The following TPPP2 variants were observed in gnomAD, a reference collection of about 807,000 sequenced individuals.
The protein encoded by TPPP2 is tubulin polymerization-promoting protein family member 2.
A neutral mutation model predicts 13.0 loss-of-function variants in TPPP2; 8 were observed. That is an observed-to-expected ratio of 0.62 (90% CI 0.36 to 1.11). The LOEUF (loss-of-function observed/expected upper bound fraction) is 1.11. Ranked by LOEUF, TPPP2 falls within the 50% of genes most tolerant of loss-of-function variation. The probability of loss-of-function intolerance (pLI) is 0.02; values close to 1 mark genes in which losing one functional copy is unlikely to be tolerated. For missense variants in TPPP2, 213 were observed against 216.9 expected, an observed-to-expected ratio of 0.98 and a Z score of 0.11; for synonymous variants, 81 against 81.8, an observed-to-expected ratio of 0.99 and a Z score of 0.05.
At chr14:21,029,798 G>T (rs1392657580), upstream of TPPP2, among the ~76,000 whole-genome samples, 3 of 152,090 alleles carry the variant, frequency 2.0e-5, no homozygotes, top group Non-Finnish European at 2.9e-5. Context: ...GCCATCTATG[G>T]ACCGGAAAGC....
In TPPP2 at chr14:21,032,129, C is replaced by A. The variant is rs111435290; in HGVS notation, c.*52C>A. The A allele has an allele frequency of 6.4e-5, 100 of 1,568,038 alleles. 1 individual carries two copies. In the African/African-American group the frequency reaches 1.1e-3, roughly 17 times the overall value. ...CCCCCTGACCCTGCATGTTTAACAC[C>A]AGGGAGCTTGGAAAACAATAAACAT... On this transcript the variant is annotated 3_prime_UTR_variant, in exon 4 of 4. Coordinates refer to ENST00000321760, the MANE Select transcript of TPPP2 (RefSeq NM_173846.5).
rs1169722883 is a variant in TPPP2 at position 21,032,757 on chromosome 14, T to C, written c.*680T>C. 4.1e-5 allele frequency: 15 copies of C among 365,436 alleles called. No homozygotes were observed. Among genetic ancestry groups the C allele is most frequent in the African/African-American group, 8.6e-5 (4 of 46,674 alleles). 22.6% of individuals were successfully genotyped at this position (365,436 alleles called of 1,614,324 possible). A position where few individuals can be genotyped will look rare whatever the true frequency, so the allele number is the denominator to read the frequency against. ...GGCCAGATGAGGCAGGCTGCCAGGA[T>C]TCCAAGAGCAGGAGTTCTGGTGCAC... is the stretch of plus-strand genomic sequence containing the variant. On this transcript the variant is annotated 3_prime_UTR_variant, in exon 4 of 4. Coordinates refer to ENST00000321760, the MANE Select transcript of TPPP2 (RefSeq NM_173846.5).
downstream of TPPP2, chr14:21,034,140 C>A: frequency 6.2e-7 from 1 of 1,614,210 alleles, no homozygotes; most frequent in Non-Finnish European, 8.5e-7. Flanking sequence ...ATTACAATAG[C>A]CCCGGAAACC....
downstream of TPPP2, chr14:21,034,638 A>C: frequency 4.2e-6 from 1 of 236,626 alleles, no homozygotes; most frequent in Non-Finnish European, 8.2e-6. Flanking sequence ...GCAGAGAAGA[A>C]AGAAGGAGCA....
chr14:21,035,977 C>A (rs1279635054), downstream of TPPP2: 8 of 386,194 alleles, frequency 2.1e-5, no homozygotes, highest in Non-Finnish European at 3.6e-5. Context: ...GTTTACGAAA[C>A]CACTGAAAGC....
downstream of TPPP2, chr14:21,034,600 G>A: frequency 3.3e-6 from 1 of 306,902 alleles, no homozygotes; most frequent in Non-Finnish European, 6.0e-6. Context: ...GAGTCCTTGG[G>A]CCCCTGGCAC....
upstream of TPPP2, among the ~76,000 whole-genome samples, chr14:21,026,192 C>T (rs1369466271): frequency 6.6e-6 from 1 of 152,096 alleles, no homozygotes; most frequent in Non-Finnish European, 1.5e-5. Context: ...TCTCCTTGTG[C>T]CCCTCGGAGG....
At chr14:21,032,967 G>A (rs767378309), downstream of TPPP2, 8 of 455,980 alleles carry the variant, frequency 1.8e-5, no homozygotes, top group South Asian at 3.1e-5. Context: ...ATTTATGTTC[G>A]ATTAGAGCCG....
At chr14:21,033,990 C>A (rs750069464), downstream of TPPP2, 2 of 1,614,032 alleles carry the variant, frequency 1.2e-6, no homozygotes, top group Non-Finnish European at 1.7e-6. Flanking sequence ...GGTGAGTGTG[C>A]AGTATTCATT....
At chr14:21,035,887 T>C, downstream of TPPP2, 1 of 454,524 alleles carries the variant, frequency 2.2e-6, no homozygotes, top group Non-Finnish European at 4.4e-6. Context: ...TGCATGGTGG[T>C]TAAGATCAAG....
downstream of TPPP2, chr14:21,036,186 C>T (rs1332936091): frequency 4.4e-6 from 2 of 456,304 alleles, no homozygotes; most frequent in Non-Finnish European, 8.8e-6. Context: ...TTATTTCTTC[C>T]TCAGTGGATG....
chr14:21,031,167 T>C lies in TPPP2; in HGVS notation c.327+2T>C. Reference sequence around the variant, plus strand: ...GACCCAGCCACCACTGGCGCTACTGTGAGTGACAGCCTTCATCCCCTTGAC... The same window carrying C: ...GACCCAGCCACCACTGGCGCTACTGCGAGTGACAGCCTTCATCCCCTTGAC... On this transcript the variant is annotated splice_donor_variant, in intron 3 of 3. Coordinates refer to ENST00000321760, the MANE Select transcript of TPPP2 (RefSeq NM_173846.5). LOFTEE classifies it high-confidence loss of function. 1.2e-6 allele frequency: 2 copies of C among 1,613,032 alleles called. No homozygotes were observed. Among genetic ancestry groups the C allele is most frequent in the Non-Finnish European group, 1.7e-6 (2 of 1,179,554 alleles).
chr14:21,035,923 T>C, downstream of TPPP2: 1 of 438,540 alleles, frequency 2.3e-6, no homozygotes, highest in South Asian at 1.6e-5. Context: ...AGACCAGGAA[T>C]TGAATCCTGC....
In TPPP2 at chr14:21,032,215, G is replaced by T; in HGVS notation, c.*138G>T. The T allele has an allele frequency of 5.3e-6, 5 of 934,796 alleles. No individual in the cohort carries two copies. Among genetic ancestry groups the T allele is most frequent in the Non-Finnish European group, 6.8e-6 (4 of 590,278 alleles). The allele number at this position is 934,796 out of a possible 1,614,324, so 57.9% of individuals were successfully genotyped here. A position where few individuals can be genotyped will look rare whatever the true frequency, so the allele number is the denominator to read the frequency against. On this transcript the variant is annotated 3_prime_UTR_variant, in exon 4 of 4. Coordinates refer to ENST00000321760, the MANE Select transcript of TPPP2 (RefSeq NM_173846.5). Reference sequence around the variant, plus strand: ...GGACAGATGAGCCTACTAGTGTAGAGAGAGGGAGAAGAGGCAGCACAGGAG... The same window carrying T: ...GGACAGATGAGCCTACTAGTGTAGATAGAGGGAGAAGAGGCAGCACAGGAG...
At chr14:21,035,779 G>T (rs1397138142), downstream of TPPP2, 2 of 456,248 alleles carry the variant, frequency 4.4e-6, no homozygotes, top group Non-Finnish European at 8.8e-6. Context: ...TTCTCTTCCT[G>T]TTTTGTCAAC....
upstream of TPPP2, chr14:21,025,766 G>T: frequency 1.1e-6 from 1 of 918,672 alleles, no homozygotes. This position sits in a 1 kb window ranked among gnomAD's most constrained non-coding sequence, Gnocchi z 5.1. Context: ...GGCGGGGAAT[G>T]CGGGGGGCCG....
In TPPP2 at chr14:21,031,037, T is replaced by A; in HGVS notation, c.199T>A (p.Phe67Ile). Residue 67 changes from phenylalanine to isoleucine, a missense_variant, in exon 3 of 4, where the codon TTT (phenylalanine) becomes ATT (isoleucine). Physicochemically the swap from Phe to Ile is conservative, Grantham distance 21. Transcript: ENST00000321760. Reference protein sequence around the residue: ...VKAKNARTITFQQFKEAVKEL... With the variant: ...VKAKNARTITIQQFKEAVKEL... ...GGCCAAGAACGCCCGAACCATCACG[T>A]TTCAACAGTTCAAAGAGGCAGTGAA... The A allele has an allele frequency of 6.2e-7, 1 of 1,613,406 alleles. No individual in the cohort carries two copies. The highest frequency in any genetic ancestry group is 8.5e-7 in the Non-Finnish European group (1 of 1,179,776).
chr14:21,025,262 T>C, upstream of TPPP2: 1 of 881,650 alleles, frequency 1.1e-6, no homozygotes, highest in Non-Finnish European at 1.4e-6. The surrounding 1 kb of genome is among the most constrained non-coding windows in gnomAD (Gnocchi z 5.1). Context: ...GGCTGGACGC[T>C]TCCAGGCTCT....
chr14:21,031,393 C>A, intron 3 of TPPP2: 1 of 536,262 alleles, frequency 1.9e-6, no homozygotes, highest in Non-Finnish European at 3.1e-6. Flanking sequence ...TTCCAAGTGT[C>A]TAGTATCTGA....
Sources: allele counts gnomAD v4.1 joint callset (sites outside exome capture counted in the v4.1 genomes callset), GRCh38; gene constraint gnomAD v4.1.1; non-coding constraint Gnocchi (gnomAD v3.1); transcripts MANE v1.5; gene names NCBI Gene and HGNC (gene_info 2026-07-23, HGNC 2026-07-21).